Variants in ARID2 observed in about 807,000 individuals in gnomAD.
ARID2 encodes the protein AT-rich interaction domain 2.
Under a neutral mutation model 184.6 loss-of-function variants are expected in ARID2, and 32 were observed. The ratio of observed to expected loss-of-function variants is 0.17; its 90% CI spans 0.13 to 0.23. The LOEUF (loss-of-function observed/expected upper bound fraction) is 0.23. ARID2 is among the 10% of genes least tolerant of loss of function. The probability of loss-of-function intolerance (pLI) is 1.00; values close to 1 mark genes in which losing one functional copy is unlikely to be tolerated. For synonymous variants in ARID2, 836 were observed against 772.6 expected, an observed-to-expected ratio of 1.08 and a Z score of -1.36; for missense variants, 1,696 against 2,197.6, an observed-to-expected ratio of 0.77 and a Z score of 4.56.
chr12:45,733,019 C>T (rs1941032096), intron 3 of ARID2, among the ~76,000 whole-genome samples: 1 of 152,172 alleles, frequency 6.6e-6, no homozygotes, highest in South Asian at 2.1e-4. Flanking sequence ...TAAGTATTTA[C>T]ATGGTCTTCA....
chr12:45,866,421 A>G (rs545897680), intron 16 of ARID2, among the ~76,000 whole-genome samples: 24 of 152,304 alleles, frequency 1.6e-4, no homozygotes, highest in African/African-American at 5.3e-4. Context: ...TATGAACAGA[A>G]CTGTGGTGAA....
Position 45,850,507 on chromosome 12 carries a change from C to T in ARID2, c.2384C>T (p.Ala795Val), listed in dbSNP as rs2138162584. The change falls in exon 15 of 21, where the codon GCT (alanine) becomes GTT (valine). Residue 795 changes from alanine to valine, a missense_variant. This residue lies in a region of ARID2 where 713 missense variants were observed against 824.4 expected (regional missense o/e 0.86). Coordinates refer to ENST00000334344, the MANE Select transcript of ARID2 (RefSeq NM_152641.4). The stretch of plus-strand genomic sequence containing the variant: ...ACTCCTGTTACAGTAATTCAACAAG[C>T]TGTCCCACAGAGTCATATGTTTGGC... ...SGTPVTVIQQAVPQSHMFGRV... is the reference protein window; with the variant it reads ...SGTPVTVIQQVVPQSHMFGRV... 6.2e-7 allele frequency: 1 copy of T among 1,614,058 alleles called. No individual in the cohort carries two copies.
intron 3 of ARID2, among the ~76,000 whole-genome samples, chr12:45,802,460 T>C (rs975348547): frequency 2.6e-5 from 4 of 152,190 alleles, no homozygotes; most frequent in Non-Finnish European, 4.4e-5. Flanking sequence ...CTTTAAAAAA[T>C]GTTCCATATT....
At chr12:45,734,889 A>G (rs1565576077) in intron 3 of ARID2, among the ~76,000 whole-genome samples, 1 of 152,204 alleles carries the variant, frequency 6.6e-6, no homozygotes, top group African/African-American at 2.4e-5. Flanking sequence ...AGCTATAGTC[A>G]AGGTTAACTT....
At chr12:45,902,600 C>T (rs926852967) in intron 20 of ARID2, among the ~76,000 whole-genome samples, 9 of 150,638 alleles carry the variant, frequency 6.0e-5, no homozygotes, top group South Asian at 4.2e-4. Context: ...GGTGCAGTCT[C>T]GGCTCACTGC....
chr12:45,842,874 A>G (rs1278560671), intron 11 of ARID2, among the ~76,000 whole-genome samples: 3 of 152,154 alleles, frequency 2.0e-5, no homozygotes, highest in Non-Finnish European at 4.4e-5. Context: ...CTCAATGACT[A>G]TTACTTACTG....
intron 2 of ARID2, 79 bp from the exon 3 acceptor site, chr12:45,731,138 A>C: frequency 9.6e-7 from 1 of 1,038,020 alleles, no homozygotes; most frequent in Non-Finnish European, 1.5e-6. Context: ...ATCTCTGTAG[A>C]ATGGGTATTT....
At chr12:45,801,845 A>G (rs1942508383) in intron 3 of ARID2, among the ~76,000 whole-genome samples, 1 of 152,124 alleles carries the variant, frequency 6.6e-6, no homozygotes, top group African/African-American at 2.4e-5. Flanking sequence ...AAGGTAAATG[A>G]AGCAACATAT....
chr12:45,775,902 T>C (rs1209517293), intron 3 of ARID2, among the ~76,000 whole-genome samples: 1 of 152,256 alleles, frequency 6.6e-6, no homozygotes, highest in African/African-American at 2.4e-5. Flanking sequence ...TTTCGAAGAA[T>C]GTTTTAACCT....
chr12:45,733,669 TA>T (rs887574901), intron 3 of ARID2, among the ~76,000 whole-genome samples: 1 of 152,212 alleles, frequency 6.6e-6, no homozygotes, highest in African/African-American at 2.4e-5. Flanking sequence ...GCTGTTAGCC[TA>T]GTGTTTTATG....
In ARID2 at chr12:45,851,419, A is replaced by G. The variant is rs1340927587; in HGVS notation, c.3296A>G (p.Tyr1099Cys). ...AGAGCTCCTAGCCCTCAGGTGGTCTATCAGGTGGCCAGTAACCAAGCCGCA... is the reference window on the plus strand; with the variant it reads ...AGAGCTCCTAGCCCTCAGGTGGTCTGTCAGGTGGCCAGTAACCAAGCCGCA... ...NARAPSPQVV[Y>C]QVASNQAAGF... The change falls in exon 15 of 21, where the codon TAT (tyrosine) becomes TGT (cysteine). Residue 1099 changes from tyrosine to cysteine, a missense_variant. Transcript: ENST00000334344. The G allele has an allele frequency of 1.9e-6, 3 of 1,614,016 alleles. No homozygotes were observed. The highest frequency in any genetic ancestry group is 1.3e-5 in the African/African-American group (1 of 74,904).
chr12:45,854,577 CTTATATT>C (rs958584666), intron 15 of ARID2, among the ~76,000 whole-genome samples: 11 of 152,292 alleles, frequency 7.2e-5, no homozygotes, highest in African/African-American at 2.6e-4. Context: ...GGTTTTTTCT[CTTATATT>C]TAATAATTTC....
At chr12:45,821,152 A>C (rs1337385915) in intron 5 of ARID2, among the ~76,000 whole-genome samples, 1 of 152,144 alleles carries the variant, frequency 6.6e-6, no homozygotes, top group Non-Finnish European at 1.5e-5. Context: ...AGTAACTCTT[A>C]AGTACTCTTC....
intron 3 of ARID2, among the ~76,000 whole-genome samples, chr12:45,793,867 T>G (rs902867698): frequency 6.6e-6 from 1 of 152,130 alleles, no homozygotes. Flanking sequence ...ATATTTTTAT[T>G]TTTTCTATTC....
intron 3 of ARID2, among the ~76,000 whole-genome samples, chr12:45,800,374 G>A (rs1942474412): frequency 2.0e-5 from 3 of 152,214 alleles, no homozygotes; most frequent in South Asian, 2.1e-4. Context: ...TTGAGCAAAT[G>A]TGCAATTTTA....
chr12:45,732,598 C>CA (rs1382556031), intron 3 of ARID2, among the ~76,000 whole-genome samples: 4 of 152,086 alleles, frequency 2.6e-5, no homozygotes, highest in African/African-American at 9.7e-5. Context: ...GGGTGAGAAA[C>CA]AAGAGAGTTT....
intron 3 of ARID2, among the ~76,000 whole-genome samples, chr12:45,778,554 CTAGA>C (rs1334093559): frequency 3.3e-5 from 5 of 151,988 alleles, no homozygotes; most frequent in African/African-American, 4.8e-5. Flanking sequence ...ACTATAGGTC[CTAGA>C]TAGATCTATA....
At chr12:45,798,419 C>T (rs1424408396) in intron 3 of ARID2, among the ~76,000 whole-genome samples, 1 of 152,196 alleles carries the variant, frequency 6.6e-6, no homozygotes, top group East Asian at 1.9e-4. Flanking sequence ...ATTAGTCTCT[C>T]ACCTCCTACT....
At chr12:45,900,037 A>G (rs950968271) in intron 20 of ARID2, among the ~76,000 whole-genome samples, 1 of 151,740 alleles carries the variant, frequency 6.6e-6, no homozygotes, top group African/African-American at 2.4e-5. Context: ...GCCAAGTGCT[A>G]TACTATTATG....
Sources: gnomAD v4.1 joint callset for allele counts (sites outside exome capture counted in the v4.1 genomes callset) on GRCh38, gnomAD v4.1.1 for gene constraint, gnomAD v4.1.1 regional missense constraint, MANE v1.5 for transcripts, NCBI Gene and HGNC (gene_info 2026-07-23, HGNC 2026-07-21) for gene names.